The following HCRTR2 variants were observed in gnomAD, a reference collection of about 807,000 sequenced individuals.
HCRTR2 encodes orexin receptor type 2.
Under a neutral mutation model 49.0 loss-of-function variants are expected in HCRTR2, and 22 were observed. The observed-to-expected ratio is 0.45, with a 90% confidence interval of 0.32 to 0.64. HCRTR2 has a LOEUF of 0.64. Ranked by LOEUF, HCRTR2 falls within the 30% of genes least tolerant of loss-of-function variation. The pLI, the probability that HCRTR2 is intolerant of heterozygous loss-of-function variation, is 0.04. For synonymous variants in HCRTR2, 236 were observed against 205.3 expected (o/e 1.15, Z -1.28); for missense variants, 491 against 559.4 (o/e 0.88, Z 1.23).
chr6:55,145,829 TA>T (rs548608926), intron 1 of HCRTR2, among the ~76,000 whole-genome samples: 77 of 152,088 alleles, frequency 5.1e-4, no homozygotes, highest in African/African-American at 1.8e-3. Flanking sequence ...CTTATTTTTT[TA>T]AAAAAAGCTG....
chr6:55,133,608 T>C (rs1441748111), intron 1 of HCRTR2, among the ~76,000 whole-genome samples: 4 of 151,878 alleles, frequency 2.6e-5, no homozygotes, highest in Non-Finnish European at 5.9e-5. Context: ...ACATTGTACG[T>C]TCTAAGAACG....
intron 1 of HCRTR2, among the ~76,000 whole-genome samples, chr6:55,124,995 C>G (rs1764253402): frequency 6.6e-6 from 1 of 151,304 alleles, no homozygotes; most frequent in Admixed American, 6.6e-5. Flanking sequence ...TTATTTTGAG[C>G]CTATATGTGT....
chr6:55,226,029 G>A (rs564567168), intron 1 of HCRTR2, among the ~76,000 whole-genome samples: 1 of 152,292 alleles, frequency 6.6e-6, no homozygotes, highest in East Asian at 1.9e-4. Flanking sequence ...TGCAATGAGA[G>A]GGACAAACAA....
chr6:55,112,099 T>G (rs1046696156), intron 1 of HCRTR2, among the ~76,000 whole-genome samples: 1 of 151,964 alleles, frequency 6.6e-6, no homozygotes, highest in African/African-American at 2.4e-5. Flanking sequence ...AGCATCCCTT[T>G]ATGATTAAAA....
At chr6:55,112,211 G>A (rs999553968) in intron 1 of HCRTR2, among the ~76,000 whole-genome samples, 4 of 151,914 alleles carry the variant, frequency 2.6e-5, no homozygotes, top group African/African-American at 9.7e-5. Context: ...AAAGTTGAAG[G>A]CATTCCCCCT....
intron 1 of HCRTR2, among the ~76,000 whole-genome samples, chr6:55,235,118 G>T (rs1008209216): frequency 1.3e-5 from 2 of 152,098 alleles, no homozygotes; most frequent in Non-Finnish European, 2.9e-5. Context: ...GTTAAAAACA[G>T]ATAACAATTA....
chr6:55,130,783 A>C (rs570994425), intron 1 of HCRTR2, among the ~76,000 whole-genome samples: 2 of 151,996 alleles, frequency 1.3e-5, no homozygotes, highest in Non-Finnish European at 2.9e-5. Context: ...CTGCATTATT[A>C]ATATCCCACC....
At chr6:55,174,856 TCCGCCCCGGG>T in intron 1 of HCRTR2, 46 bp downstream of exon 1, 1 of 1,511,560 alleles carries the variant, frequency 6.6e-7, no homozygotes, top group Non-Finnish European at 9.2e-7. Flanking sequence ...TCACCCCCTC[TCCGCCCCGGG>T]CTGAGAAGGC....
intron 1 of HCRTR2, among the ~76,000 whole-genome samples, chr6:55,203,303 T>A (rs898399854): frequency 3.3e-5 from 5 of 152,208 alleles, no homozygotes; most frequent in Non-Finnish European, 7.3e-5. Flanking sequence ...TTTTCCTGAT[T>A]AGTTTATATC....
chr6:55,215,152 C>T (rs1048331331), intron 1 of HCRTR2, among the ~76,000 whole-genome samples: 14 of 151,934 alleles, frequency 9.2e-5, no homozygotes, highest in Non-Finnish European at 1.6e-4. Context: ...TATCAAAAGC[C>T]AAGGACAAAG....
At chr6:55,192,407 G>A (rs2998997) in intron 1 of HCRTR2, among the ~76,000 whole-genome samples, 3,039 of 79,100 alleles carry the variant, frequency 0.038, 45 homozygotes, top group Middle Eastern at 0.097. Context: ...ACACACGCGC[G>A]CGCGCGCACA....
intron 1 of HCRTR2, among the ~76,000 whole-genome samples, chr6:55,185,249 G>A (rs1257675055): frequency 6.6e-6 from 1 of 152,076 alleles, no homozygotes; most frequent in Non-Finnish European, 1.5e-5. Context: ...TAATTATTGA[G>A]ACATTTATGT....
chr6:55,214,489 G>A (rs952136374), intron 1 of HCRTR2, among the ~76,000 whole-genome samples: 1 of 151,990 alleles, frequency 6.6e-6, no homozygotes, highest in Non-Finnish European at 1.5e-5. Context: ...ATGCCACTGT[G>A]CTTGATTAAT....
chr6:55,116,724 A>AAAAAAAC (rs372864594), intron 1 of HCRTR2, among the ~76,000 whole-genome samples: 49,331 of 144,022 alleles, frequency 0.34, 9,510 homozygotes, highest in East Asian at 0.75. Flanking sequence ...AGAAAAAAAA[A>AAAAAAAC]AAAACTCTTA....
intron 1 of HCRTR2, among the ~76,000 whole-genome samples, chr6:55,140,594 A>G (rs1561984400): frequency 6.6e-6 from 1 of 152,198 alleles, no homozygotes; most frequent in Non-Finnish European, 1.5e-5. Flanking sequence ...CACAACTGGC[A>G]TTTATAAATA....
chr6:55,144,069 A>G (rs550397410), intron 1 of HCRTR2, among the ~76,000 whole-genome samples: 90 of 146,724 alleles, frequency 6.1e-4, no homozygotes, highest in African/African-American at 2.2e-3. Flanking sequence ...TATAAAAATC[A>G]GTGTGTGACG....
intron 1 of HCRTR2, among the ~76,000 whole-genome samples, chr6:55,109,127 G>A (rs1051981667): frequency 6.6e-5 from 10 of 152,142 alleles, no homozygotes; most frequent in African/African-American, 2.4e-4. Flanking sequence ...CCACTGGGTG[G>A]CTAGACACAG....
intron 4 of HCRTR2, among the ~76,000 whole-genome samples, chr6:55,269,291 G>A (rs763270012): frequency 3.9e-5 from 6 of 152,034 alleles, no homozygotes; most frequent in Non-Finnish European, 5.9e-5. Context: ...AGACAAGTAT[G>A]TCTGCTACAA....
chr6:55,215,492 A>C (rs1329199432), intron 1 of HCRTR2, among the ~76,000 whole-genome samples: 1 of 152,188 alleles, frequency 6.6e-6, no homozygotes, highest in Non-Finnish European at 1.5e-5. Context: ...TAAAAGTATA[A>C]AGCTCATTGG....
Sources: gnomAD v4.1 joint callset for allele counts (sites outside exome capture counted in the v4.1 genomes callset) on GRCh38, gnomAD v4.1.1 for gene constraint, MANE v1.5 for transcripts, NCBI Gene and HGNC (gene_info 2026-07-23, HGNC 2026-07-21) for gene names.